The following DLG2 variants were observed in gnomAD, a reference collection of about 807,000 sequenced individuals.
DLG2 encodes discs large MAGUK scaffold protein 2, also known as disks large homolog 2.
DLG2 carries 45 observed loss-of-function variants against 132.5 expected under a neutral mutation model. The ratio of observed to expected loss-of-function variants is 0.34; its 90% CI spans 0.27 to 0.44. DLG2 has a LOEUF of 0.44. Among genes scored for constraint, DLG2 ranks in the 20% least tolerant of loss-of-function variants. DLG2 has a pLI of 1.00. For missense variants in DLG2, 1,045 were observed against 1,196.9 expected, an observed-to-expected ratio of 0.87 and a Z score of 1.87; for synonymous variants, 424 against 419.6, an observed-to-expected ratio of 1.01 and a Z score of -0.13.
At chr11:83,736,262 G>C (rs2091878181) in intron 18 of DLG2, among the ~76,000 whole-genome samples, 1 of 152,124 alleles carries the variant, frequency 6.6e-6, no homozygotes, top group Non-Finnish European at 1.5e-5. Context: ...GTGTCCCTGA[G>C]CAGATTAGAT....
chr11:84,326,960 A>T (rs1459525002), intron 7 of DLG2, among the ~76,000 whole-genome samples: 1 of 152,080 alleles, frequency 6.6e-6, no homozygotes, highest in Non-Finnish European at 1.5e-5. Flanking sequence ...CTATCATTAT[A>T]TAATATCCTT....
chr11:85,424,962 C>T (rs1032458282), intron 3 of DLG2, among the ~76,000 whole-genome samples: 2 of 152,062 alleles, frequency 1.3e-5, no homozygotes, highest in Non-Finnish European at 2.9e-5. Flanking sequence ...AAAGCCTGAA[C>T]TGACTAAGAA....
At chr11:83,708,107 T>C (rs1479338081) in intron 18 of DLG2, among the ~76,000 whole-genome samples, 1 of 152,224 alleles carries the variant, frequency 6.6e-6, no homozygotes, top group Non-Finnish European at 1.5e-5. Context: ...ACTTGGCACA[T>C]GGCAATCTTG....
At chr11:84,510,126 G>T (rs920346114) in intron 7 of DLG2, among the ~76,000 whole-genome samples, 6 of 125,560 alleles carry the variant, frequency 4.8e-5, no homozygotes, top group South Asian at 5.8e-4. Flanking sequence ...TTATTATTAT[G>T]TTAATCAGAA....
chr11:84,917,926 G>T (rs113113096), intron 6 of DLG2, among the ~76,000 whole-genome samples: 8 of 152,180 alleles, frequency 5.3e-5, no homozygotes, highest in African/African-American at 1.9e-4. Flanking sequence ...ACCCTAAGAG[G>T]TACCATCTCT....
intron 6 of DLG2, among the ~76,000 whole-genome samples, chr11:84,853,493 A>G (rs1566155325): frequency 6.6e-6 from 1 of 152,028 alleles, no homozygotes; most frequent in African/African-American, 2.4e-5. Context: ...CAAATCATAT[A>G]TCTTAAAATA....
At chr11:85,454,770 C>T (rs2092365809) in intron 3 of DLG2, among the ~76,000 whole-genome samples, 1 of 152,168 alleles carries the variant, frequency 6.6e-6, no homozygotes, top group African/African-American at 2.4e-5. Context: ...TATCCCACCA[C>T]TATTTATTGA....
Position 83,992,355 on chromosome 11 carries a change from G to A in DLG2, c.920-11713C>T, listed in dbSNP as rs1054502719. Among the ~76,000 whole-genome samples the A allele has an allele frequency of 2.0e-5, 3 of 152,234 alleles. No homozygotes were observed. The East Asian group carries it at 5.8e-4, about 29-fold the overall frequency. On this transcript the variant is annotated intron_variant, in intron 11 of 27. Transcript: ENST00000376104. ...GCTATGAGAGGAATAGTGGCTATGG[G>A]AGCATATAGGTGGGCGGCCTACCTT...
At chr11:85,415,490 T>C (rs983255863) in intron 3 of DLG2, among the ~76,000 whole-genome samples, 2 of 152,194 alleles carry the variant, frequency 1.3e-5, no homozygotes, top group Non-Finnish European at 2.9e-5. Context: ...TGTAAAAGCA[T>C]TCCTATTTCT....
intron 7 of DLG2, among the ~76,000 whole-genome samples, chr11:84,451,651 G>A (rs557716224): frequency 6.6e-6 from 1 of 151,854 alleles, no homozygotes; most frequent in Non-Finnish European, 1.5e-5. Context: ...GCACCAACCT[G>A]TTTATAAGCA....
At chr11:84,747,829 A>G (rs2153831401) in intron 6 of DLG2, among the ~76,000 whole-genome samples, 1 of 152,322 alleles carries the variant, frequency 6.6e-6, no homozygotes, top group African/African-American at 2.4e-5. Flanking sequence ...TTTTGATTGA[A>G]CACATGACAC....
intron 9 of DLG2, among the ~76,000 whole-genome samples, chr11:84,116,014 T>C (rs1461461506): frequency 2.6e-5 from 4 of 152,226 alleles, no homozygotes; most frequent in Non-Finnish European, 5.9e-5. Context: ...GAGTGAAAAG[T>C]GTATAAGTTT....
At chr11:85,155,153 C>T (rs2077507601) in intron 4 of DLG2, among the ~76,000 whole-genome samples, 2 of 152,128 alleles carry the variant, frequency 1.3e-5, no homozygotes. Flanking sequence ...TGCTTACTGA[C>T]CATTATAAAA....
intron 19 of DLG2, among the ~76,000 whole-genome samples, chr11:83,600,977 T>C (rs1453688789): frequency 6.6e-6 from 1 of 152,222 alleles, no homozygotes; most frequent in East Asian, 1.9e-4. Flanking sequence ...AGGTATTTAC[T>C]ATCCTTGGTA....
At chr11:85,603,016 G>A (rs1040486671) in intron 2 of DLG2, among the ~76,000 whole-genome samples, 7 of 152,028 alleles carry the variant, frequency 4.6e-5, no homozygotes, top group Non-Finnish European at 1.0e-4. Flanking sequence ...AGAGATGGAG[G>A]AGGACATTGC....
At chr11:83,917,708 G>A (rs790363) in intron 15 of DLG2, among the ~76,000 whole-genome samples, 46,328 of 152,014 alleles carry the variant, frequency 0.3, 7,889 homozygotes, top group African/African-American at 0.45. Context: ...CTTCCTTTGA[G>A]CTATAAGACT....
Position 85,535,397 on chromosome 11 carries a change from A to T in DLG2, c.40+63260T>A, listed in dbSNP as rs115500115. ...AAATAAATAAATAAATATATATATAAAAATAATGTCAGTGCGTAGCAGTTT... is the reference window on the plus strand; with the variant it reads ...AAATAAATAAATAAATATATATATATAAATAATGTCAGTGCGTAGCAGTTT... On this transcript the variant is annotated intron_variant, in intron 3 of 27. Transcript: ENST00000376104. Among the ~76,000 whole-genome samples the T allele has an allele frequency of 4.7e-3, 719 of 152,174 alleles. 7 individuals are homozygous for T. The highest frequency in any genetic ancestry group is 0.017 in the African/African-American group (697 of 41,570).
chr11:84,004,335 A>C (rs1296204325), intron 11 of DLG2, among the ~76,000 whole-genome samples: 3 of 152,182 alleles, frequency 2.0e-5, no homozygotes, highest in Non-Finnish European at 4.4e-5. Flanking sequence ...AAGCACAAGA[A>C]TCATATGATC....
intron 6 of DLG2, among the ~76,000 whole-genome samples, chr11:85,081,323 G>A (rs1454519162): frequency 2.0e-5 from 3 of 152,112 alleles, no homozygotes; most frequent in Admixed American, 6.6e-5. Flanking sequence ...CAACAGCATG[G>A]GAAGTTGCCT....
Sources: allele counts gnomAD v4.1 joint callset (sites outside exome capture counted in the v4.1 genomes callset), GRCh38; gene constraint gnomAD v4.1.1; transcripts MANE v1.5; gene names NCBI Gene and HGNC (gene_info 2026-07-23, HGNC 2026-07-21).